The following CFAP47 variants were observed in gnomAD, a reference collection of about 807,000 sequenced individuals.
CFAP47 encodes the protein cilia and flagella associated protein 47.
Under a neutral mutation model 148.1 loss-of-function variants are expected in CFAP47, and 29 were observed. That is an observed-to-expected ratio of 0.20 (90% confidence interval 0.15 to 0.27). The LOEUF is 0.27. Among genes scored for constraint, CFAP47 ranks in the 10% least tolerant of loss-of-function variants. The probability of loss-of-function intolerance (pLI) is 1.00; values close to 1 mark genes in which losing one functional copy is unlikely to be tolerated. For synonymous variants in CFAP47, 664 were observed against 577.3 expected, an observed-to-expected ratio of 1.15 and a Z score of -2.15; for missense variants, 1,872 against 1,697.5, an observed-to-expected ratio of 1.10 and a Z score of -1.81.
In CFAP47 at chrX:35,961,281, T is replaced by C. The variant is rs149168597; in HGVS notation, c.1410+5085T>C. ...TATATATTCATAAGGGACATAAGAA[T>C]GCAGATTTTTAAAAAATGTTTTTGA... On this transcript the variant is annotated intron_variant, in intron 8 of 63. Coordinates refer to ENST00000378653, the MANE Select transcript of CFAP47 (RefSeq NM_001304548.2). Among the ~76,000 whole-genome samples, 1,072 of 111,884 alleles carry C rather than the reference T, an allele frequency of 9.6e-3. 9 individuals carry two copies. The highest frequency in any genetic ancestry group is 0.013 in the Non-Finnish European group (700 of 53,048).
intron 28 of CFAP47, among the ~76,000 whole-genome samples, chrX:36,072,228 CATAGTTCCATTT>C (rs1937768589): frequency 8.9e-6 from 1 of 112,216 alleles, no homozygotes; most frequent in Admixed American, 9.5e-5. Context: ...AAATGTAGCA[CATAGTTCCATTT>C]ATTAAATGCA....
At chrX:36,294,605 G>C (rs185732176) in intron 51 of CFAP47, among the ~76,000 whole-genome samples, 1 of 109,950 alleles carries the variant, frequency 9.1e-6, no homozygotes, top group African/African-American at 3.3e-5. Flanking sequence ...CCAGCTACTC[G>C]GGAGGCTGAG....
At chrX:36,185,334 C>G (rs782531059) in intron 40 of CFAP47, among the ~76,000 whole-genome samples, 103 of 110,289 alleles carry the variant, frequency 9.3e-4, no homozygotes, top group African/African-American at 3.1e-3. Flanking sequence ...CTCAAAGACC[C>G]CACCTCTTAA....
chrX:36,028,631 C>T (rs1217265549), intron 22 of CFAP47, among the ~76,000 whole-genome samples: 1 of 111,177 alleles, frequency 9.0e-6, no homozygotes, highest in Admixed American at 9.6e-5. Flanking sequence ...AATGAGATTG[C>T]TGTCATTATT....
chrX:35,937,030 C>T (rs950780336), intron 2 of CFAP47, among the ~76,000 whole-genome samples: 13 of 108,130 alleles, frequency 1.2e-4, no homozygotes, highest in Non-Finnish European at 2.1e-4. Flanking sequence ...TTTCCAGTGT[C>T]CCTGAGTGAA....
intron 51 of CFAP47, among the ~76,000 whole-genome samples, chrX:36,295,610 T>C (rs980825402): frequency 1.9e-4 from 21 of 112,269 alleles, no homozygotes; most frequent in African/African-American, 4.8e-4. Flanking sequence ...ATGGATAACA[T>C]AAGTTTCTTC....
At chrX:36,015,542 A>G (rs1168673552) in intron 22 of CFAP47, among the ~76,000 whole-genome samples, 2 of 111,461 alleles carry the variant, frequency 1.8e-5, no homozygotes, top group African/African-American at 6.5e-5. Context: ...TAATTCTAAA[A>G]TAGTAGGGAG....
intron 33 of CFAP47, among the ~76,000 whole-genome samples, chrX:36,113,984 G>T (rs1198548388): frequency 9.2e-6 from 1 of 109,063 alleles, no homozygotes; most frequent in Non-Finnish European, 1.9e-5. Flanking sequence ...TAATTTTTTT[G>T]TATTTTTAGT....
intron 60 of CFAP47, among the ~76,000 whole-genome samples, chrX:36,360,437 C>A (rs1556019064): frequency 9.0e-6 from 1 of 111,677 alleles, no homozygotes; most frequent in Non-Finnish European, 1.9e-5. Flanking sequence ...TGAGGCCAGG[C>A]CTAGTGCAAG....
chrX:35,953,686 T>G lies in CFAP47; in HGVS notation c.1141T>G (p.Phe381Val). Reference sequence around the variant, plus strand: ...TGAGTCCGTAGGAAGTAAAGATGGATTTTTGAGAGATGATGACTATAAAAC... The same window carrying G: ...TGAGTCCGTAGGAAGTAAAGATGGAGTTTTGAGAGATGATGACTATAAAAC... ...RFESVGSKDG[F>V]LRDDDYKTIK... Residue 381 changes from phenylalanine (F) to valine (V), a missense_variant, in exon 7 of 64, where the codon TTT becomes GTT. Physicochemically the swap from Phe to Val is conservative, Grantham distance 50. Coordinates refer to ENST00000378653, the MANE Select transcript of CFAP47 (RefSeq NM_001304548.2). The G allele has an allele frequency of 8.3e-7, 1 of 1,201,614 alleles. No individual in the cohort carries two copies. Among genetic ancestry groups the G allele is most frequent in the Non-Finnish European group, 1.1e-6 (1 of 887,704 alleles).
chrX:36,237,823 G>T (rs1467455674), intron 48 of CFAP47, among the ~76,000 whole-genome samples: 4 of 111,261 alleles, frequency 3.6e-5, no homozygotes, highest in Non-Finnish European at 7.5e-5. Context: ...GGGGACTACA[G>T]AAGTTTGTAA....
chrX:36,231,324 T>G (rs1940355222), intron 46 of CFAP47, among the ~76,000 whole-genome samples: 1 of 105,697 alleles, frequency 9.5e-6, no homozygotes. Context: ...AAGAGGTCCT[T>G]CACATCCCTT....
intron 49 of CFAP47, among the ~76,000 whole-genome samples, chrX:36,260,035 G>A (rs782687374): frequency 3.6e-5 from 4 of 110,569 alleles, no homozygotes; most frequent in African/African-American, 1.3e-4. Context: ...TGCTTCAAAT[G>A]ACACAATTTC....
chrX:36,310,097 A>G (rs1941381109), intron 55 of CFAP47, among the ~76,000 whole-genome samples: 1 of 102,722 alleles, frequency 9.7e-6, no homozygotes, highest in African/African-American at 3.6e-5. Flanking sequence ...ATTGTTTGTG[A>G]TCCCTTTATT....
At chrX:36,352,614 T>A (rs1381495140) in intron 59 of CFAP47, among the ~76,000 whole-genome samples, 5 of 110,343 alleles carry the variant, frequency 4.5e-5, no homozygotes, top group Non-Finnish European at 9.5e-5. Flanking sequence ...TTTGACTTGA[T>A]AGTAGTAGAG....
chrX:36,016,923 G>A (rs1378334077), intron 22 of CFAP47, among the ~76,000 whole-genome samples: 6 of 110,269 alleles, frequency 5.4e-5, no homozygotes, highest in Non-Finnish European at 1.1e-4. Flanking sequence ...GATGATCAAT[G>A]ATGTTGAGCA....
intron 55 of CFAP47, 83 bp downstream of exon 55, chrX:36,306,959 A>C (rs189182688): frequency 4.6e-5 from 19 of 413,479 alleles, no homozygotes; most frequent in African/African-American, 4.4e-4. Flanking sequence ...TCATTCACTC[A>C]ATTATCATAT....
At chrX:36,211,349 C>T (rs1940098021) in intron 45 of CFAP47, 1 of 252,258 alleles carries the variant, frequency 4.0e-6, no homozygotes, top group African/African-American at 2.9e-5. Flanking sequence ...AAAATATATC[C>T]CTACTTAAAG....
chrX:35,955,226 G>A (rs991641984), intron 7 of CFAP47, among the ~76,000 whole-genome samples: 8 of 111,496 alleles, frequency 7.2e-5, no homozygotes, highest in Non-Finnish European at 1.5e-4. Flanking sequence ...TTCCACAACC[G>A]GCTCCTCCTT....
Sources: allele counts gnomAD v4.1 joint callset (sites outside exome capture counted in the v4.1 genomes callset), GRCh38; gene constraint gnomAD v4.1.1; transcripts MANE v1.5; gene names NCBI Gene and HGNC (gene_info 2026-07-23, HGNC 2026-07-21).